NUP160: variants seen among roughly 807,000 people sequenced by gnomAD.
NUP160 encodes the protein nuclear pore complex protein Nup160.
In NUP160, 94 loss-of-function variants were observed where a neutral mutation model predicts 196.9. The observed-to-expected ratio is 0.48, with a 90% CI of 0.40 to 0.57. NUP160 has a LOEUF of 0.57. Among genes scored for constraint, NUP160 ranks in the 20% least tolerant of loss-of-function variants. The pLI is 0.00. For missense variants in NUP160, 1,638 were observed against 1,748.3 expected (o/e 0.94, Z 1.13); for synonymous variants, 605 against 619.7 (o/e 0.98, Z 0.35).
chr11:47,816,075 G>T (rs1397971196), intron 11 of NUP160, 46 bp from the exon 12 acceptor site: 2 of 1,334,802 alleles, frequency 1.5e-6, no homozygotes, highest in Admixed American at 3.5e-5. Context: ...AGCCAAAACT[G>T]AATGGAAAAC....
chr11:47,795,852 G>A (rs576239241), intron 27 of NUP160, among the ~76,000 whole-genome samples: 73 of 152,034 alleles, frequency 4.8e-4, no homozygotes, highest in African/African-American at 1.5e-3. Flanking sequence ...TGAGGGATGC[G>A]CTATAAAAAA....
intron 10 of NUP160, among the ~76,000 whole-genome samples, chr11:47,818,981 T>C (rs1286945068): frequency 6.6e-6 from 1 of 151,644 alleles, no homozygotes; most frequent in Non-Finnish European, 1.5e-5. Context: ...AGGCATCAAC[T>C]GAAAGCTTTT....
At chr11:47,801,962 C>T in intron 22 of NUP160, 32 bp from the exon 23 acceptor site, 2 of 1,608,948 alleles carry the variant, frequency 1.2e-6, no homozygotes, top group Non-Finnish European at 1.7e-6. Flanking sequence ...TGACTTGTAA[C>T]AGATCATTCA....
At chr11:47,787,323 A>G (rs929132558) in intron 31 of NUP160, among the ~76,000 whole-genome samples, 2 of 151,944 alleles carry the variant, frequency 1.3e-5, no homozygotes, top group African/African-American at 4.8e-5. Flanking sequence ...CCTGACCTCA[A>G]GTGATCTGCC....
At chr11:47,796,173 A>G (rs1565190777) in intron 27 of NUP160, 1 of 280,744 alleles carries the variant, frequency 3.6e-6, no homozygotes. Context: ...AAAAAAAAAA[A>G]GGAGCAGCTG....
At position 47,791,430 on chromosome 11, in the gene NUP160, C is replaced by T. The variant is rs193101226; in HGVS notation, c.3511+500G>A. ...TGTGTGCTCACGGCAACCTCTGCTT[C>T]CTGGATTCAAGCAATTCTCCTGCCT... On this transcript the variant is annotated intron_variant, in intron 29 of 35. Coordinates refer to ENST00000378460, the Ensembl canonical transcript of NUP160. Among the ~76,000 whole-genome samples, 269 of 152,332 alleles carry T rather than the reference C, an allele frequency of 1.8e-3. 1 individual carries two copies. The highest frequency in any genetic ancestry group is 3.2e-3 in the Non-Finnish European group (218 of 68,036).
intron 7 of NUP160, among the ~76,000 whole-genome samples, chr11:47,825,759 T>G (rs555736279): frequency 6.6e-6 from 1 of 151,982 alleles, no homozygotes. Flanking sequence ...AATTTTTGTA[T>G]TTTTAGTAGA....
At chr11:47,847,653 G>GT (rs1306655532) in intron 2 of NUP160, among the ~76,000 whole-genome samples, 195 bp downstream of exon 2, 7 of 123,466 alleles carry the variant, frequency 5.7e-5, no homozygotes, top group South Asian at 2.8e-4. Context: ...GGGGGTGGGG[G>GT]GGGGGAGGGG....
chr11:47,781,011 G>A (rs934047594), intron 34 of NUP160, among the ~76,000 whole-genome samples: 13 of 151,756 alleles, frequency 8.6e-5, no homozygotes, highest in Admixed American at 3.9e-4. Flanking sequence ...CGGATCACAA[G>A]GTCAGGAGTT....
At chr11:47,808,173 T>G (rs1191133883) in intron 18 of NUP160, among the ~76,000 whole-genome samples, 1 of 151,898 alleles carries the variant, frequency 6.6e-6, no homozygotes, top group Non-Finnish European at 1.5e-5. Context: ...CTCAGCTACT[T>G]GGGAGGCTGA....
intron 17 of NUP160, among the ~76,000 whole-genome samples, chr11:47,810,854 T>C (rs1287552216): frequency 2.0e-5 from 3 of 151,984 alleles, no homozygotes; most frequent in African/African-American, 4.8e-5. Flanking sequence ...CCTGAGTTAA[T>C]ACATTCTGAC....
At chr11:47,813,965 T>TG (rs1360907597) in intron 13 of NUP160, among the ~76,000 whole-genome samples, 1 of 143,230 alleles carries the variant, frequency 7.0e-6, no homozygotes. Context: ...CAGCTACTGG[T>TG]GAGGCTGAGG....
chr11:47,782,303 A>ATATAT (rs1244214560), intron 34 of NUP160, among the ~76,000 whole-genome samples: 1 of 40,526 alleles, frequency 2.5e-5, no homozygotes, highest in Non-Finnish European at 4.4e-5. Flanking sequence ...AAAAAAAAAA[A>ATATAT]ATATATATAT....
At chr11:47,780,501 G>T in intron 34 of NUP160, 54 bp from the exon 35 acceptor site, 1 of 1,212,876 alleles carries the variant, frequency 8.2e-7, no homozygotes, top group Non-Finnish European at 1.2e-6. Context: ...CATTTCTTCT[G>T]GGTAGTTGCT....
chr11:47,837,428 T>C (rs1852197955), intron 5 of NUP160, 117 bp downstream of exon 5: 3 of 779,194 alleles, frequency 3.9e-6, no homozygotes, highest in Non-Finnish European at 6.5e-6. Flanking sequence ...TTATTCTGAC[T>C]GTTCTCCTTT....
chr11:47,813,465 G>C, intron 13 of NUP160, 50 bp from the exon 14 acceptor site: 1 of 1,239,840 alleles, frequency 8.1e-7, no homozygotes, highest in South Asian at 1.2e-5. Context: ...AATTTTAAAG[G>C]TATAAAATAA....
At chr11:47,818,229 G>A in intron 10 of NUP160, 105 bp from the exon 11 acceptor site, 1 of 725,644 alleles carries the variant, frequency 1.4e-6, no homozygotes, top group Non-Finnish European at 2.5e-6. Flanking sequence ...TTGCCATTTT[G>A]CCCTTCTATA....
intron 7 of NUP160, among the ~76,000 whole-genome samples, chr11:47,824,200 CAA>C (rs1485183774): frequency 6.6e-6 from 1 of 151,476 alleles, no homozygotes; most frequent in Non-Finnish European, 1.5e-5. Context: ...TCAACAACAA[CAA>C]AAGAGTTCTA....
At chr11:47,798,578 C>T in intron 23 of NUP160, 115 bp from the exon 24 acceptor site, 1 of 650,340 alleles carries the variant, frequency 1.5e-6, no homozygotes, top group Non-Finnish European at 2.8e-6. Flanking sequence ...TGGCTCACAC[C>T]TCCAATCCCA....
Sources: allele counts gnomAD v4.1 joint callset (sites outside exome capture counted in the v4.1 genomes callset), GRCh38; gene constraint gnomAD v4.1.1; transcripts MANE v1.5; gene names NCBI Gene and HGNC (gene_info 2026-07-23, HGNC 2026-07-21).